CACNA1A: variants seen among roughly 807,000 people sequenced by gnomAD.
The protein encoded by CACNA1A is calcium voltage-gated channel subunit alpha1 A, also known as voltage-dependent P/Q-type calcium channel subunit alpha-1A.
CACNA1A carries 57 observed loss-of-function variants against 262.4 expected under a neutral mutation model. The ratio of observed to expected loss-of-function variants is 0.22; its 90% CI spans 0.18 to 0.27. The LOEUF (loss-of-function observed/expected upper bound fraction) is 0.27. CACNA1A is among the 10% of genes least tolerant of loss of function. The pLI is 1.00. For synonymous variants in CACNA1A, 1,431 were observed against 1,419.3 expected, an observed-to-expected ratio of 1.01 and a Z score of -0.18; for missense variants, 2,526 against 3,562.8, an observed-to-expected ratio of 0.71 and a Z score of 7.41.
intron 9 of CACNA1A, among the ~76,000 whole-genome samples, chr19:13,330,707 C>T (rs934879583): frequency 2.0e-5 from 3 of 152,184 alleles, no homozygotes; most frequent in Admixed American, 6.5e-5. Context: ...TCTCCTCCCT[C>T]AGCCTCCTGA....
chr19:13,303,972 C>A (rs2057845181), intron 15 of CACNA1A, 88 bp from the exon 16 acceptor site: 1 of 924,706 alleles, frequency 1.1e-6, no homozygotes, highest in Admixed American at 1.9e-5. Flanking sequence ...AATCCGCCCA[C>A]CCCATCCCCG....
At chr19:13,406,689 T>TGGGC (rs2060017662) in intron 3 of CACNA1A, among the ~76,000 whole-genome samples, 1 of 150,056 alleles carries the variant, frequency 6.7e-6, no homozygotes, top group South Asian at 2.1e-4. Context: ...AGAGGGTGGG[T>TGGGC]GGGCATCCTC....
chr19:13,369,217 G>A (rs2059274747), intron 4 of CACNA1A, among the ~76,000 whole-genome samples: 1 of 152,052 alleles, frequency 6.6e-6, no homozygotes, highest in South Asian at 2.1e-4. Flanking sequence ...TCTCTTCTTA[G>A]TAGAATTGCC....
rs1420716955 is a variant in CACNA1A, at chr19:13,224,750, G to C, written c.5648C>G (p.Pro1883Arg). 2 of 1,609,780 alleles carry C rather than the reference G, an allele frequency of 1.2e-6. No homozygotes were observed. The highest frequency in any genetic ancestry group is 1.7e-6 in the Non-Finnish European group (2 of 1,178,406). ...AYKRLLRMDLPVADDNTVHFN... is the reference protein window; with the variant it reads ...AYKRLLRMDLRVADDNTVHFN... ...GTGGACGGTGTTGTCATCTGCGACG[G>C]GCAGGTCCATCCGCAGAAGCCGCTA... is the stretch of plus-strand genomic sequence containing the variant. The change falls in exon 38 of 47, where the codon CCC (proline) becomes CGC (arginine). Residue 1883 changes from proline to arginine, a missense_variant. Physicochemically the swap from Pro to Arg is moderately radical, Grantham distance 103. Coordinates refer to ENST00000360228, the MANE Select transcript of CACNA1A (RefSeq NM_001127222.2).
At chr19:13,215,703 G>T (rs1315982644) in intron 38 of CACNA1A, among the ~76,000 whole-genome samples, 5 of 149,028 alleles carry the variant, frequency 3.4e-5, no homozygotes, top group Non-Finnish European at 1.5e-5. Context: ...TGTTACCTCC[G>T]CCTCCCAGGT....
At chr19:13,465,074 G>T (rs560890619) in intron 1 of CACNA1A, among the ~76,000 whole-genome samples, 1 of 151,728 alleles carries the variant, frequency 6.6e-6, no homozygotes, top group African/African-American at 2.4e-5. Flanking sequence ...GACTACAGGC[G>T]TGCAGCACCA....
chr19:13,334,562 T>TGTGA, intron 7 of CACNA1A, 69 bp from the exon 8 acceptor site: 1 of 392,560 alleles, frequency 2.5e-6, no homozygotes, highest in South Asian at 2.2e-5. Context: ...TGTGTGTGTT[T>TGTGA]GTGTGTGTGT....
intron 6 of CACNA1A, among the ~76,000 whole-genome samples, chr19:13,356,618 C>T (rs537890422): frequency 3.3e-5 from 5 of 152,316 alleles, no homozygotes; most frequent in Non-Finnish European, 5.9e-5. Context: ...AACCCCCAGA[C>T]GCTTTCTCTG....
chr19:13,505,890 G>C, intron 1 of CACNA1A, 42 bp downstream of exon 1: 1 of 1,587,052 alleles, frequency 6.3e-7, no homozygotes, highest in South Asian at 1.1e-5. Context: ...GGAGGGAGGA[G>C]GGGGAGGCGC....
intron 1 of CACNA1A, among the ~76,000 whole-genome samples, chr19:13,490,721 GAAAGAAAGAAAGAGAAAA>G (rs1980713313): frequency 1.4e-5 from 1 of 70,636 alleles, no homozygotes; most frequent in Non-Finnish European, 3.2e-5. Context: ...AAGAAAGAAA[GAAAGAAAGAAAGAGAAAA>G]GAAAGAAAGA....
chr19:13,262,660 T>C, intron 25 of CACNA1A, 74 bp downstream of exon 25: 1 of 858,862 alleles, frequency 1.2e-6, no homozygotes, highest in Non-Finnish European at 2.0e-6. Context: ...CCTTGAGCAG[T>C]GTACAACCTG....
intron 34 of CACNA1A, among the ~76,000 whole-genome samples, chr19:13,234,350 CA>C (rs71168693): frequency 0.051 from 3,655 of 71,098 alleles, 7 homozygotes; most frequent in African/African-American, 0.086. Flanking sequence ...ACTCCATCTC[CA>C]AAAAAAAAAA....
At chr19:13,210,948 C>A in intron 43 of CACNA1A, 1 of 505,484 alleles carries the variant, frequency 2.0e-6, no homozygotes. Context: ...AAAGACAGGA[C>A]GGCGCAGCCT....
chr19:13,227,846 G>A (rs991098540), intron 36 of CACNA1A, among the ~76,000 whole-genome samples: 3 of 151,808 alleles, frequency 2.0e-5, no homozygotes, highest in Admixed American at 6.6e-5. Context: ...GGAGGGATGC[G>A]GAGGGGAGGG....
intron 17 of CACNA1A, among the ~76,000 whole-genome samples, chr19:13,300,883 A>G (rs753934510): frequency 1.3e-5 from 2 of 152,208 alleles, no homozygotes; most frequent in Non-Finnish European, 2.9e-5. Context: ...ACACAGCCAG[A>G]TAACAAAAAA....
At chr19:13,402,434 G>A (rs1002662298) in intron 3 of CACNA1A, among the ~76,000 whole-genome samples, 1 of 152,042 alleles carries the variant, frequency 6.6e-6, no homozygotes, top group Non-Finnish European at 1.5e-5. Flanking sequence ...ATATGGTGCA[G>A]TGTATACTGC....
intron 20 of CACNA1A, among the ~76,000 whole-genome samples, chr19:13,286,272 G>A (rs2057397066): frequency 6.6e-6 from 1 of 152,178 alleles, no homozygotes; most frequent in African/African-American, 2.4e-5. Context: ...GAAGGACGTA[G>A]AAGATATTGC....
chr19:13,276,043 A>C, intron 23 of CACNA1A, 87 bp from the exon 24 acceptor site: 2 of 817,212 alleles, frequency 2.4e-6, no homozygotes, highest in Non-Finnish European at 4.0e-6. Context: ...TCTCGGGGAG[A>C]GGCAGGGAAG....
At chr19:13,300,847 T>A (rs1260158837) in intron 17 of CACNA1A, among the ~76,000 whole-genome samples, 191 bp from the exon 18 acceptor site, 1 of 152,190 alleles carries the variant, frequency 6.6e-6, no homozygotes, top group Admixed American at 6.5e-5. Context: ...GTTTGACATC[T>A]AACTCATTAT....
Sources: gnomAD v4.1 joint callset for allele counts (sites outside exome capture counted in the v4.1 genomes callset) on GRCh38, gnomAD v4.1.1 for gene constraint, MANE v1.5 for transcripts, NCBI Gene and HGNC (gene_info 2026-07-23, HGNC 2026-07-21) for gene names.